KHDRBS2: variants seen among roughly 807,000 people sequenced by gnomAD.
KHDRBS2 encodes KH RNA binding domain containing, signal transduction associated 2, also known as KH domain-containing, RNA-binding, signal transduction-associated protein 2.
KHDRBS2 carries 26 observed loss-of-function variants against 44.3 expected under a neutral mutation model. The observed-to-expected ratio is 0.59, with a 90% CI of 0.43 to 0.81. The LOEUF is 0.81. Ranked by LOEUF, KHDRBS2 falls within the 40% of genes least tolerant of loss-of-function variation. The pLI, the probability that KHDRBS2 is intolerant of heterozygous loss-of-function variation, is 0.00. For missense variants in KHDRBS2, 476 were observed against 433.1 expected (o/e 1.10, Z -0.88); for synonymous variants, 194 against 151.1 (o/e 1.28, Z -2.08).
chr6:62,276,483 A>G (rs1840956678), intron 1 of KHDRBS2, among the ~76,000 whole-genome samples: 1 of 152,130 alleles, frequency 6.6e-6, no homozygotes, highest in African/African-American at 2.4e-5. Flanking sequence ...AAATTATCCA[A>G]TCACTTTTTG....
At chr6:61,664,824 A>G in the KHDRBS2 span, among the ~76,000 whole-genome samples, 1 of 151,662 alleles carries the variant, frequency 6.6e-6, no homozygotes, top group Non-Finnish European at 1.5e-5. Flanking sequence ...ATTTGGTTAA[A>G]TTGATTTGAA....
chr6:62,154,165 T>C (rs188856774), intron 2 of KHDRBS2, among the ~76,000 whole-genome samples: 100 of 152,258 alleles, frequency 6.6e-4, no homozygotes, highest in African/African-American at 2.3e-3. Flanking sequence ...GTAGAAGACA[T>C]TGGAAAAAGC....
intron 6 of KHDRBS2, among the ~76,000 whole-genome samples, chr6:61,740,934 C>A (rs1331135247): frequency 6.6e-6 from 1 of 151,750 alleles, no homozygotes; most frequent in Admixed American, 6.6e-5. Context: ...CCACCATTGT[C>A]CACTGAGAAG....
At chr6:62,203,347 C>T (rs751219755) in intron 1 of KHDRBS2, among the ~76,000 whole-genome samples, 6 of 151,948 alleles carry the variant, frequency 3.9e-5, no homozygotes, top group Non-Finnish European at 8.8e-5. Context: ...AAGAGAAGAG[C>T]TAATGATGGT....
At chr6:61,702,962 A>G (rs767148189) in intron 7 of KHDRBS2, among the ~76,000 whole-genome samples, 3 of 151,866 alleles carry the variant, frequency 2.0e-5, no homozygotes, top group Non-Finnish European at 4.4e-5. Flanking sequence ...CACTTCCTAG[A>G]AAAATTATAC....
chr6:61,717,021 G>A (rs776441595), intron 7 of KHDRBS2, among the ~76,000 whole-genome samples: 19 of 152,030 alleles, frequency 1.2e-4, no homozygotes, highest in Non-Finnish European at 2.4e-4. Flanking sequence ...AAAAGATTAA[G>A]CAGGTTTCAG....
intron 6 of KHDRBS2, among the ~76,000 whole-genome samples, chr6:61,768,830 A>G (rs1780394139): frequency 6.6e-6 from 1 of 152,062 alleles, no homozygotes; most frequent in Admixed American, 6.5e-5. Flanking sequence ...GTCTTATAAA[A>G]GTGCTTTTTT....
At chr6:62,178,116 G>C (rs1821515004) in intron 1 of KHDRBS2, among the ~76,000 whole-genome samples, 1 of 151,410 alleles carries the variant, frequency 6.6e-6, no homozygotes, top group Non-Finnish European at 1.5e-5. Flanking sequence ...TACAGTTATG[G>C]CTGGGGGCAA....
intron 6 of KHDRBS2, among the ~76,000 whole-genome samples, chr6:61,759,631 G>A (rs2127572037): frequency 6.6e-6 from 1 of 152,214 alleles, no homozygotes; most frequent in Middle Eastern, 3.4e-3. Context: ...TAAGCCATAT[G>A]CTTCCAATAG....
chr6:62,152,622 C>T (rs1815463971), intron 2 of KHDRBS2, among the ~76,000 whole-genome samples: 1 of 152,148 alleles, frequency 6.6e-6, no homozygotes, highest in Non-Finnish European at 1.5e-5. Context: ...GTAGAATTTG[C>T]ATAGGAGACT....
At chr6:61,939,308 C>G (rs546515610) in intron 4 of KHDRBS2, among the ~76,000 whole-genome samples, 1 of 152,322 alleles carries the variant, frequency 6.6e-6, no homozygotes, top group African/African-American at 2.4e-5. Context: ...TCCACTGTAA[C>G]CTGCTCTATT....
chr6:62,047,845 A>C, intron 3 of KHDRBS2, 33 bp downstream of exon 3: 9 of 1,380,498 alleles, frequency 6.5e-6, no homozygotes, highest in Non-Finnish European at 9.3e-6. Flanking sequence ...TAACCTCCTG[A>C]ATGTGGTAAA....
intron 6 of KHDRBS2, among the ~76,000 whole-genome samples, chr6:61,891,524 G>T (rs1349633692): frequency 2.0e-5 from 3 of 152,106 alleles, no homozygotes; most frequent in Admixed American, 6.5e-5. Context: ...GCTCCTCCTT[G>T]TACCTCTGGT....
At chr6:61,587,270 G>A in the KHDRBS2 span, among the ~76,000 whole-genome samples, 1 of 152,156 alleles carries the variant, frequency 6.6e-6, no homozygotes, top group Non-Finnish European at 1.5e-5. Flanking sequence ...TATGAATTGT[G>A]TTGTAACTGA....
At chr6:61,725,065 C>T (rs775112417) in intron 7 of KHDRBS2, among the ~76,000 whole-genome samples, 21 of 152,226 alleles carry the variant, frequency 1.4e-4, no homozygotes, top group Middle Eastern at 3.4e-3. Context: ...TCAAGTAAAA[C>T]ATTCCTCAGC....
chr6:61,835,529 T>C (rs1376731677), intron 6 of KHDRBS2, among the ~76,000 whole-genome samples: 1 of 152,024 alleles, frequency 6.6e-6, no homozygotes, highest in Non-Finnish European at 1.5e-5. Context: ...GAAATAGCTT[T>C]GAACAGTGCA....
At chr6:62,045,407 A>G (rs927067327) in intron 3 of KHDRBS2, among the ~76,000 whole-genome samples, 14 of 151,980 alleles carry the variant, frequency 9.2e-5, no homozygotes, top group Non-Finnish European at 2.1e-4. Flanking sequence ...CTCATCTTCC[A>G]GTGTTCTTTC....
intron 4 of KHDRBS2, among the ~76,000 whole-genome samples, chr6:61,977,810 C>T (rs1470314096): frequency 6.6e-6 from 1 of 152,072 alleles, no homozygotes; most frequent in Non-Finnish European, 1.5e-5. Flanking sequence ...TCTTTTTCTT[C>T]ATGACTATGA....
intron 3 of KHDRBS2, among the ~76,000 whole-genome samples, chr6:62,039,795 C>A (rs767154345): frequency 1.3e-5 from 2 of 152,080 alleles, no homozygotes; most frequent in Non-Finnish European, 2.9e-5. Context: ...TGAGGCAGTA[C>A]TTTCTGTGTA....
Sources: gnomAD v4.1 joint callset for allele counts (sites outside exome capture counted in the v4.1 genomes callset) on GRCh38, gnomAD v4.1.1 for gene constraint, MANE v1.5 for transcripts, NCBI Gene and HGNC (gene_info 2026-07-23, HGNC 2026-07-21) for gene names.